The following GLCCI1 variants were observed in gnomAD, a reference collection of about 807,000 sequenced individuals.
The protein encoded by GLCCI1 is glucocorticoid induced 1, also known as glucocorticoid-induced transcript 1 protein.
A neutral mutation model predicts 52.2 loss-of-function variants in GLCCI1; 24 were observed. The observed-to-expected ratio is 0.46, with a 90% CI of 0.33 to 0.65. The LOEUF (loss-of-function observed/expected upper bound fraction) is 0.65, where lower values mean the gene tolerates loss of function less well. Among genes scored for constraint, GLCCI1 ranks in the 30% least tolerant of loss-of-function variants. The pLI, the probability that GLCCI1 is intolerant of heterozygous loss-of-function variation, is 0.02. For missense variants in GLCCI1, 704 were observed against 701.5 expected, an observed-to-expected ratio of 1.00 and a Z score of -0.04; for synonymous variants, 310 against 276.5, an observed-to-expected ratio of 1.12 and a Z score of -1.20.
chr7:8,043,931 T>G (rs895086243), intron 3 of GLCCI1, among the ~76,000 whole-genome samples: 1 of 144,144 alleles, frequency 6.9e-6, no homozygotes, highest in African/African-American at 2.6e-5. Context: ...TCAAAACTAT[T>G]GTTGAAGCAC....
chr7:8,076,864 G>A (rs1027388951), intron 6 of GLCCI1, among the ~76,000 whole-genome samples: 1 of 152,046 alleles, frequency 6.6e-6, no homozygotes, highest in Non-Finnish European at 1.5e-5. Context: ...CTTTGTTCAT[G>A]ATATGCCCAT....
rs1441558130 is a variant in GLCCI1 at position 8,088,159 on chromosome 7, G to A, written c.*1621G>A. 2.0e-5 allele frequency: 3 copies of A among 151,976 alleles called. No individual in the cohort carries two copies. The highest frequency in any genetic ancestry group is 4.8e-5 in the African/African-American group (2 of 41,286). 9.4% of individuals were successfully genotyped at this position (151,976 alleles called of 1,614,324 possible). ...GGGTTTTTCTTTTATTTTCTAAGAA[G>A]GTTGAAGAAGGATGAGTGATAGAGA... is the stretch of plus-strand genomic sequence containing the variant. On this transcript the variant is annotated 3_prime_UTR_variant, in exon 8 of 8. Coordinates refer to ENST00000223145, the MANE Select transcript of GLCCI1 (RefSeq NM_138426.4).
chr7:8,013,613 T>C (rs1055073484), intron 2 of GLCCI1, among the ~76,000 whole-genome samples: 8 of 152,264 alleles, frequency 5.3e-5, no homozygotes, highest in Admixed American at 1.3e-4. Flanking sequence ...TGTTACCATA[T>C]TGAATCTTAT....
intron 1 of GLCCI1, chr7:7,981,152 G>T: frequency 2.2e-6 from 1 of 451,188 alleles, no homozygotes; most frequent in Non-Finnish European, 4.3e-6. Flanking sequence ...CCACAGATGA[G>T]GATCTGGATA....
intron 1 of GLCCI1, among the ~76,000 whole-genome samples, chr7:7,991,145 C>G (rs1003833595): frequency 6.6e-6 from 1 of 152,090 alleles, no homozygotes; most frequent in Non-Finnish European, 1.5e-5. Context: ...TCCCCTTCAT[C>G]TCTTCTACAT....
intron 3 of GLCCI1, among the ~76,000 whole-genome samples, chr7:8,023,527 C>A (rs576626210): frequency 6.0e-5 from 9 of 148,906 alleles, no homozygotes; most frequent in African/African-American, 2.2e-4. Flanking sequence ...ATTGAAAGGT[C>A]ATCCAGCCAA....
intron 1 of GLCCI1, among the ~76,000 whole-genome samples, chr7:7,979,041 C>G (rs1008929607): frequency 3.9e-5 from 6 of 152,140 alleles, no homozygotes; most frequent in Non-Finnish European, 7.4e-5. Context: ...ATCAACAGTC[C>G]TCTTCCTGCT....
chr7:8,045,242 A>G (rs1782094487), intron 3 of GLCCI1, among the ~76,000 whole-genome samples: 1 of 152,116 alleles, frequency 6.6e-6, no homozygotes, highest in South Asian at 2.1e-4. Context: ...ATGAGAACCA[A>G]CCCTGGACAG....
chr7:8,040,066 T>C (rs1781963485), intron 3 of GLCCI1, among the ~76,000 whole-genome samples: 1 of 151,606 alleles, frequency 6.6e-6, no homozygotes, highest in South Asian at 2.1e-4. Context: ...AACTGCACTT[T>C]ACCCCCTAAA....
intron 5 of GLCCI1, among the ~76,000 whole-genome samples, chr7:8,064,995 G>A (rs1019830015): frequency 6.6e-6 from 1 of 152,190 alleles, no homozygotes; most frequent in African/African-American, 2.4e-5. Context: ...GGGATTATGA[G>A]CGTGAGCCAC....
chr7:7,981,230 CCT>C (rs548937122), intron 1 of GLCCI1: 4 of 266,382 alleles, frequency 1.5e-5, no homozygotes, highest in South Asian at 3.8e-5. Flanking sequence ...CAGGAGAAAT[CCT>C]CTGTTATTTC....
intron 4 of GLCCI1, among the ~76,000 whole-genome samples, chr7:8,056,197 C>T (rs1782394053): frequency 6.6e-6 from 1 of 151,962 alleles, no homozygotes; most frequent in Admixed American, 6.6e-5. Context: ...TATTCGGAGA[C>T]TGAGGCAGGA....
At chr7:7,995,670 A>C (rs1046214406) in intron 1 of GLCCI1, among the ~76,000 whole-genome samples, 1 of 152,184 alleles carries the variant, frequency 6.6e-6, no homozygotes, top group Non-Finnish European at 1.5e-5. Context: ...CAAACACCGC[A>C]TGTTCTCACT....
chr7:7,988,006 G>T (rs1780770588), intron 1 of GLCCI1, among the ~76,000 whole-genome samples: 1 of 152,132 alleles, frequency 6.6e-6, no homozygotes, highest in South Asian at 2.1e-4. Flanking sequence ...AAGATAATGG[G>T]AGTCTTCTTG....
chr7:8,011,029 GA>G (rs1781252883), intron 2 of GLCCI1, among the ~76,000 whole-genome samples: 1 of 151,860 alleles, frequency 6.6e-6, no homozygotes, highest in Non-Finnish European at 1.5e-5. Context: ...TGAGGCAAGA[GA>G]ATCGCTTGAA....
At position 7,970,952 on chromosome 7, in the gene GLCCI1, C is replaced by G. The variant is rs982876403; in HGVS notation, c.457+1145C>G. On this transcript the variant is annotated intron_variant, in intron 1 of 7. Transcript: ENST00000223145. ...TGTGGAATTTTTTTTTTTAATGGAG[C>G]TTTCTTGATGAAGGTGTTAGAGTTG... Among the ~76,000 whole-genome samples the G allele has an allele frequency of 4.0e-5, 6 of 151,402 alleles. 1 individual carries two copies. Among genetic ancestry groups the G allele is most frequent in the African/African-American group, 1.5e-4 (6 of 41,156 alleles).
In GLCCI1 at chr7:8,086,406, G is replaced by A. The variant is rs146979444; in HGVS notation, c.1512G>A (p.Thr504=). The A allele has an allele frequency of 1.5e-5, 24 of 1,613,974 alleles. No individual in the cohort carries two copies. The highest frequency in any genetic ancestry group is 6.7e-5 in the African/African-American group (5 of 74,954). The change falls in exon 8 of 8, where the codon ACG becomes ACA. Residue 504 remains threonine, a synonymous_variant. Transcript: ENST00000223145. The surrounding 1 kb of genome is among the most constrained non-coding windows in gnomAD (Gnocchi z 4.4). ...AGCTCTCATCCCGGGTTTCCTTTAC[G>A]TCTCTTTCTGATGACACCAGCACAG... ...VEQLSSRVSF[T]SLSDDTSTAG... is the part of the protein sequence containing the mutation.
In GLCCI1 at chr7:7,969,401, T is replaced by C. The variant is rs767630070; in HGVS notation, c.51T>C (p.His17=). Residue 17 remains histidine (H), a synonymous_variant, in exon 1 of 8, where the codon CAT becomes CAC. Transcript: ENST00000223145. The surrounding 1 kb of genome is among the most constrained non-coding windows in gnomAD (Gnocchi z 4.9). Reference sequence around the variant, plus strand: ...CCTCCAGTTCCTCTCAGACCCCTCATCCCCCGTCGCAGAGGATGAGGCGCA... The same window carrying C: ...CCTCCAGTTCCTCTCAGACCCCTCACCCCCCGTCGCAGAGGATGAGGCGCA... ...SSSSSSSQTP[H]PPSQRMRRSA... The C allele has an allele frequency of 2.1e-6, 3 of 1,405,076 alleles. No homozygotes were observed. The highest frequency in any genetic ancestry group is 1.4e-5 in the South Asian group (1 of 73,782). 87.0% of individuals were successfully genotyped at this position (1,405,076 alleles called of 1,614,324 possible).
intron 1 of GLCCI1, among the ~76,000 whole-genome samples, chr7:7,970,703 G>A (rs1780332836): frequency 6.6e-6 from 1 of 152,074 alleles, no homozygotes; most frequent in Non-Finnish European, 1.5e-5. Context: ...TTATGTCTAG[G>A]GACACAGTGC....
Sources: allele counts gnomAD v4.1 joint callset (sites outside exome capture counted in the v4.1 genomes callset), GRCh38; gene constraint gnomAD v4.1.1; non-coding constraint Gnocchi (gnomAD v3.1); transcripts MANE v1.5; gene names NCBI Gene and HGNC (gene_info 2026-07-23, HGNC 2026-07-21).